The following SRSF11 variants were observed in gnomAD, a reference collection of about 807,000 sequenced individuals.
The protein encoded by SRSF11 is serine/arginine-rich splicing factor 11.
Under a neutral mutation model 56.0 loss-of-function variants are expected in SRSF11, and 9 were observed. That is an observed-to-expected ratio of 0.16 (90% CI 0.10 to 0.28). The LOEUF (loss-of-function observed/expected upper bound fraction) is 0.28, where lower values mean the gene tolerates loss of function less well. SRSF11 is among the 10% of genes least tolerant of loss of function. SRSF11 has a pLI of 1.00. For missense variants in SRSF11, 421 were observed against 600.7 expected (o/e 0.70, Z 3.13); for synonymous variants, 222 against 215.3 (o/e 1.03, Z -0.27).
At chr1:70,210,481 G>C (rs1669464442) in intron 1 of SRSF11, among the ~76,000 whole-genome samples, 1 of 152,142 alleles carries the variant, frequency 6.6e-6, no homozygotes, top group Non-Finnish European at 1.5e-5. Context: ...GGGAGGCCAA[G>C]GCAGGCAGAT....
At chr1:70,230,929 C>T in intron 2 of SRSF11, 1 of 1,199,004 alleles carries the variant, frequency 8.3e-7, no homozygotes, top group South Asian at 1.6e-5. Flanking sequence ...CCCCCTTCCC[C>T]TCCATAACTC....
At chr1:70,210,303 C>T (rs1243679446) in intron 1 of SRSF11, among the ~76,000 whole-genome samples, 1 of 152,046 alleles carries the variant, frequency 6.6e-6, no homozygotes, top group Non-Finnish European at 1.5e-5. Context: ...ACTGTAGGCT[C>T]ATGCCACCAC....
At chr1:70,226,453 C>T (rs1157809689) in intron 1 of SRSF11, among the ~76,000 whole-genome samples, 2 of 151,988 alleles carry the variant, frequency 1.3e-5, no homozygotes, top group African/African-American at 2.4e-5. Context: ...TTTAAGGTTG[C>T]CAAGTATAAA....
At position 70,221,386 on chromosome 1, in the gene SRSF11, G is replaced by A. The variant is rs1345906718; in HGVS notation, c.-251G>A. ...GTGGGAGCTCGGGCCCGCTAGTGTC[G>A]TGGTTGGAGGCGAGGTGGGGCGGCC... is the stretch of plus-strand genomic sequence containing the variant. On this transcript the variant is annotated 5_prime_UTR_variant, in exon 1 of 12. The change creates a new upstream start codon in the 5' untranslated region. Coordinates refer to ENST00000370949, the MANE Select transcript of SRSF11 (RefSeq NM_001350605.2). The A allele has an allele frequency of 7.7e-6, 4 of 516,152 alleles. No individual in the cohort carries two copies. Among genetic ancestry groups the A allele is most frequent in the Non-Finnish European group, 1.4e-5 (4 of 294,880 alleles). 32.0% of individuals were successfully genotyped at this position (516,152 alleles called of 1,614,324 possible). A position where few individuals can be genotyped will look rare whatever the true frequency, so the allele number is the denominator to read the frequency against.
At position 70,253,037 on chromosome 1, in the gene SRSF11, GT is replaced by G. The variant is rs1457188597; in HGVS notation, c.*2237del. ...GTAAATTGATTTAAAAATAAAAGTGGTTTTTGTTAGAAAAATGTTTTGTCCT... is the reference window on the plus strand; with the variant it reads ...GTAAATTGATTTAAAAATAAAAGTGGTTTTGTTAGAAAAATGTTTTGTCCT... On this transcript the variant is annotated 3_prime_UTR_variant, in exon 12 of 12. Transcript: ENST00000370949. 1 of 152,130 alleles carries G rather than the reference GT, an allele frequency of 6.6e-6. No homozygotes were observed. Among genetic ancestry groups the G allele is most frequent in the African/African-American group, 2.4e-5 (1 of 41,436 alleles). 9.4% of individuals were successfully genotyped at this position (152,130 alleles called of 1,614,324 possible). A position where few individuals can be genotyped will look rare whatever the true frequency, so the allele number is the denominator to read the frequency against.
At chr1:70,227,921 A>T (rs1302837517) in intron 1 of SRSF11, among the ~76,000 whole-genome samples, 1 of 152,208 alleles carries the variant, frequency 6.6e-6, no homozygotes, top group Admixed American at 6.5e-5. Flanking sequence ...TGTGGGTAAA[A>T]GAGTGCAGGG....
At chr1:70,221,359 T>G, upstream of SRSF11, 33 of 443,232 alleles carry the variant, frequency 7.4e-5, no homozygotes, top group Non-Finnish European at 1.0e-4. Flanking sequence ...CCGCAAAGCA[T>G]TGTGGGAGCT....
At chr1:70,240,999 C>T (rs764169735) in intron 7 of SRSF11, among the ~76,000 whole-genome samples, 13 of 151,736 alleles carry the variant, frequency 8.6e-5, no homozygotes, top group Non-Finnish European at 1.5e-4. Flanking sequence ...CTCAAACCCG[C>T]GACCTCAGGT....
Position 70,251,251 on chromosome 1 carries a change from A to G in SRSF11, c.*446A>G, listed in dbSNP as rs1677907843. ...TCCTAAATGTCATTAAAATCCTCCA[A>G]CATGATGGATCTACTTATGGTCTTG... On this transcript the variant is annotated 3_prime_UTR_variant, in exon 12 of 12. Coordinates refer to ENST00000370949, the MANE Select transcript of SRSF11 (RefSeq NM_001350605.2). 6.3e-6 allele frequency: 1 copy of G among 158,014 alleles called. No individual in the cohort carries two copies. The highest frequency in any genetic ancestry group is 6.1e-5 in the Admixed American group (1 of 16,488). 9.8% of individuals were successfully genotyped at this position (158,014 alleles called of 1,614,324 possible).
intron 2 of SRSF11, chr1:70,231,407 T>G: frequency 4.7e-6 from 5 of 1,055,100 alleles, no homozygotes; most frequent in Non-Finnish European, 5.7e-6. Context: ...ACCCTTAGAT[T>G]TTATCTGAAT....
intron 7 of SRSF11, 46 bp downstream of exon 7, chr1:70,239,566 A>T (rs185698624): frequency 7.3e-7 from 1 of 1,362,334 alleles, no homozygotes; most frequent in Admixed American, 2.3e-5. Flanking sequence ...AAGATAATTT[A>T]TATATGTCAC....
rs1184801303 is a variant in SRSF11, at chr1:70,221,799, T to G, written c.163T>G (p.Phe55Val). 1 of 1,614,080 alleles carries G rather than the reference T, an allele frequency of 6.2e-7. No homozygotes were observed. Among genetic ancestry groups the G allele is most frequent in the Non-Finnish European group, 8.5e-7 (1 of 1,180,030 alleles). ...TGAGCAGATGCGGACTCTCTTCGGT[T>G]TCCTAGGCAAGATCGACGAACTGCG... ...SSEQMRTLFG[F>V]LGKIDELRLF... The change falls in exon 1 of 12, where the codon TTC becomes GTC. Residue 55 changes from phenylalanine (F) to valine (V), a missense_variant. This residue lies in a region of SRSF11 where 168 missense variants were observed against 294.9 expected (regional missense o/e 0.57). Coordinates refer to ENST00000370949, the MANE Select transcript of SRSF11 (RefSeq NM_001350605.2).
chr1:70,233,366 C>T (rs1029798237), intron 3 of SRSF11, among the ~76,000 whole-genome samples: 3 of 151,948 alleles, frequency 2.0e-5, no homozygotes, highest in Non-Finnish European at 4.4e-5. Flanking sequence ...CCCAGCCTCC[C>T]GAATAGCTAG....
rs78148321 is a variant in SRSF11, at chr1:70,207,866, C to T, written c.-26+2086C>T. Among the ~76,000 whole-genome samples the T allele has an allele frequency of 8.7e-3, 1,331 of 152,140 alleles. 22 individuals are homozygous for T. The highest frequency in any genetic ancestry group is 0.03 in the African/African-American group (1,255 of 41,486). On this transcript the variant is annotated intron_variant, in intron 1 of 12. Transcript: ENST00000370950. ...TCAGCTTCCTGAGTAGCCATCACAC[C>T]ACCATGCCCAGCTAATTGTTTTTAT...
intron 6 of SRSF11, among the ~76,000 whole-genome samples, chr1:70,238,408 A>G (rs1228319061): frequency 6.6e-6 from 1 of 152,228 alleles, no homozygotes; most frequent in Non-Finnish European, 1.5e-5. Flanking sequence ...TATTATAATG[A>G]CATTCACAAT....
At chr1:70,249,690 T>C in intron 9 of SRSF11, 1 of 313,280 alleles carries the variant, frequency 3.2e-6, no homozygotes, top group Non-Finnish European at 6.0e-6. Flanking sequence ...CCTGAGTAGC[T>C]GGGACTACAG....
intron 1 of SRSF11, among the ~76,000 whole-genome samples, chr1:70,206,067 T>C (rs958049777): frequency 5.3e-5 from 8 of 152,208 alleles, no homozygotes; most frequent in African/African-American, 1.9e-4. Flanking sequence ...GCTTGTACTC[T>C]GACACCATTC....
rs1053767512 is a variant in SRSF11, at chr1:70,210,795, T to A, written c.-26+5015T>A. Among the ~76,000 whole-genome samples, 9 of 152,088 alleles carry A rather than the reference T, an allele frequency of 5.9e-5. No homozygotes were observed. In the South Asian group the frequency reaches 1.0e-3, roughly 18 times the overall value. On this transcript the variant is annotated intron_variant, in intron 1 of 12. Coordinates refer to the SRSF11 transcript ENST00000370950. ...TTTTAGTCCCCAGATTTAGGAAAAATTTTTTTCCCTCTTATATGAGGGCTT... is the reference window on the plus strand; with the variant it reads ...TTTTAGTCCCCAGATTTAGGAAAAAATTTTTTCCCTCTTATATGAGGGCTT...
intron 1 of SRSF11, among the ~76,000 whole-genome samples, chr1:70,225,516 G>A (rs554708386): frequency 1.3e-5 from 2 of 152,232 alleles, no homozygotes; most frequent in East Asian, 1.9e-4. Context: ...CTATTAAGGT[G>A]GAAATTGGAA....
Sources: allele counts gnomAD v4.1 joint callset (sites outside exome capture counted in the v4.1 genomes callset), GRCh38; gene constraint gnomAD v4.1.1; regional missense constraint gnomAD v4.1.1; transcripts MANE v1.5; gene names NCBI Gene and HGNC (gene_info 2026-07-23, HGNC 2026-07-21).